The following CADM1 variants were observed in gnomAD, a reference collection of about 807,000 sequenced individuals.
The protein encoded by CADM1 is cell adhesion molecule 1.
A neutral mutation model predicts 53.1 loss-of-function variants in CADM1; 15 were observed. That is an observed-to-expected ratio of 0.28 (90% CI 0.19 to 0.44). The LOEUF (loss-of-function observed/expected upper bound fraction) is 0.44. Among genes scored for constraint, CADM1 ranks in the 20% least tolerant of loss-of-function variants. The probability of loss-of-function intolerance (pLI) is 1.00; values close to 1 mark genes in which losing one functional copy is unlikely to be tolerated. For synonymous variants in CADM1, 281 were observed against 243.0 expected (o/e 1.16, Z -1.45); for missense variants, 434 against 611.3 (o/e 0.71, Z 3.06).
In CADM1 at chr11:115,384,593, G is replaced by A. The variant is rs541462296; in HGVS notation, c.124+119678C>T. On this transcript the variant is annotated intron_variant, in intron 1 of 11. Transcript: ENST00000331581. ...GCTACATTTTAAAATCAAGTTTGAA[G>A]AACACAGGGATGCCAGTACCTCTCT... is the stretch of plus-strand genomic sequence containing the variant. Among the ~76,000 whole-genome samples the A allele has an allele frequency of 2.6e-5, 4 of 152,318 alleles. No homozygotes were observed. The South Asian group carries it at 8.3e-4, about 32-fold the overall frequency.
At chr11:115,412,478 C>T (rs11215544) in intron 1 of CADM1, among the ~76,000 whole-genome samples, 1 of 152,052 alleles carries the variant, frequency 6.6e-6, no homozygotes, top group African/African-American at 2.4e-5. Flanking sequence ...GGATTACAGG[C>T]GTGAGCCACT....
At chr11:115,334,696 T>C (rs1050369322) in intron 1 of CADM1, among the ~76,000 whole-genome samples, 1 of 151,992 alleles carries the variant, frequency 6.6e-6, no homozygotes, top group African/African-American at 2.4e-5. Flanking sequence ...CCCCTGAGAA[T>C]AAAGGGGGAC....
chr11:115,485,424 T>G (rs750061895), intron 1 of CADM1, among the ~76,000 whole-genome samples: 1 of 152,222 alleles, frequency 6.6e-6, no homozygotes, highest in Admixed American at 6.5e-5. Flanking sequence ...GTAAAACTTT[T>G]GCTACCATCT....
At chr11:115,278,860 C>T (rs1347064184) in intron 1 of CADM1, among the ~76,000 whole-genome samples, 1 of 152,050 alleles carries the variant, frequency 6.6e-6, no homozygotes, top group Non-Finnish European at 1.5e-5. Context: ...TGTGGTTGAT[C>T]ACAAAATGGT....
chr11:115,318,539 G>A (rs749959272), intron 1 of CADM1, among the ~76,000 whole-genome samples: 9 of 152,092 alleles, frequency 5.9e-5, no homozygotes, highest in South Asian at 2.1e-4. Flanking sequence ...GAGATGTGGC[G>A]GAATCAAGAT....
chr11:115,394,775 G>A (rs1018057984), intron 1 of CADM1, among the ~76,000 whole-genome samples: 6 of 152,008 alleles, frequency 3.9e-5, no homozygotes, highest in Non-Finnish European at 5.9e-5. Flanking sequence ...ATTTCCCTAC[G>A]AGCCACATGA....
In CADM1 at chr11:115,190,883, C is replaced by T. The variant is rs1939818556; in HGVS notation, c.1165+5G>A. The T allele has an allele frequency of 6.3e-7, 1 of 1,593,910 alleles. No homozygotes were observed. The highest frequency in any genetic ancestry group is 8.5e-7 in the Non-Finnish European group (1 of 1,177,774). On this transcript the variant is annotated splice_donor_5th_base_variant and intron_variant, in intron 10 of 11. Coordinates refer to ENST00000331581, the MANE Select transcript of CADM1 (RefSeq NM_001301043.2). ...GCAGTGCCTTACCTAATGACTAGCC[C>T]TTACCTGAGAGGTCCTCACTGTCCA... is the stretch of plus-strand genomic sequence containing the variant.
At chr11:115,250,485 G>A (rs371425958) in intron 1 of CADM1, among the ~76,000 whole-genome samples, 8 of 152,086 alleles carry the variant, frequency 5.3e-5, no homozygotes, top group South Asian at 2.1e-4. Context: ...AGACTGTAAC[G>A]GGTAACAATA....
At position 115,464,519 on chromosome 11, in the gene CADM1, C is replaced by G. The variant is rs563509791; in HGVS notation, c.124+39752G>C. 3.3e-5 allele frequency among the ~76,000 whole-genome samples: 5 copies of G among 152,306 alleles called. No homozygotes were observed. The East Asian group carries it at 9.7e-4, about 29-fold the overall frequency. ...CTAACCCACAATCCACATCTGCAGT[C>G]TGGTGTGCCATTTTTTATATTTGTC... On this transcript the variant is annotated intron_variant, in intron 1 of 11. Coordinates refer to ENST00000331581, the MANE Select transcript of CADM1 (RefSeq NM_001301043.2).
At chr11:115,441,812 T>C (rs1948319443) in intron 1 of CADM1, among the ~76,000 whole-genome samples, 2 of 152,014 alleles carry the variant, frequency 1.3e-5, no homozygotes, top group South Asian at 2.1e-4. Context: ...TTAAGTTCAA[T>C]GGTCAATGTG....
intron 1 of CADM1, among the ~76,000 whole-genome samples, chr11:115,422,252 A>T: frequency 6.6e-6 from 1 of 152,190 alleles, no homozygotes; most frequent in East Asian, 1.9e-4. Context: ...ATTTCCTAAA[A>T]GGGGACTATT....
chr11:115,459,901 C>G (rs988472491), intron 1 of CADM1, among the ~76,000 whole-genome samples: 4 of 152,176 alleles, frequency 2.6e-5, no homozygotes, highest in Non-Finnish European at 5.9e-5. Flanking sequence ...CCTTTCCATA[C>G]TCAGGCCAGA....
intron 1 of CADM1, among the ~76,000 whole-genome samples, chr11:115,471,038 C>T (rs1003087780): frequency 3.3e-5 from 5 of 152,166 alleles, no homozygotes; most frequent in Non-Finnish European, 7.3e-5. Flanking sequence ...TTAATGAATA[C>T]CCTGAGTAGC....
chr11:115,325,933 G>A (rs1456865605), intron 1 of CADM1, among the ~76,000 whole-genome samples: 3 of 152,138 alleles, frequency 2.0e-5, no homozygotes, highest in Non-Finnish European at 2.9e-5. Context: ...AGTTTAAACC[G>A]TTGGCACCTG....
intron 1 of CADM1, among the ~76,000 whole-genome samples, chr11:115,458,252 A>G (rs890219993): frequency 1.3e-5 from 2 of 152,086 alleles, no homozygotes; most frequent in Non-Finnish European, 2.9e-5. Flanking sequence ...TGCTTTACCA[A>G]TATGTTCTAC....
In CADM1 at chr11:115,445,979, A is replaced by G. The variant is rs1023778352; in HGVS notation, c.124+58292T>C. ...TTTACATAAAAAGTATTTACTTTATAAAGATTCAACTTGGAAAGGACTTTC... is the reference window on the plus strand; with the variant it reads ...TTTACATAAAAAGTATTTACTTTATGAAGATTCAACTTGGAAAGGACTTTC... On this transcript the variant is annotated intron_variant, in intron 1 of 11. Transcript: ENST00000331581. 1.8e-5 allele frequency: 4 copies of G among 220,004 alleles called. No homozygotes were observed. In the East Asian group the frequency reaches 6.9e-4, roughly 38 times the overall value. The allele number at this position is 220,004 out of a possible 1,614,324, so 13.6% of individuals were successfully genotyped here. A position where few individuals can be genotyped will look rare whatever the true frequency, so the allele number is the denominator to read the frequency against.
chr11:115,353,961 G>A lies in CADM1; in HGVS notation c.125-113541C>T, dbSNP rs117454412. ...CTAGGCTACGGCCAGACTGTGAACC[G>A]AAGCAGTGATGGGCTGTTTTTGTTT... On this transcript the variant is annotated intron_variant, in intron 1 of 11. Coordinates refer to ENST00000331581, the MANE Select transcript of CADM1 (RefSeq NM_001301043.2). 6.0e-3 allele frequency among the ~76,000 whole-genome samples: 906 copies of A among 152,268 alleles called. 5 individuals carry two copies. The highest frequency in any genetic ancestry group is 9.4e-3 in the Non-Finnish European group (636 of 68,016).
At chr11:115,190,707 A>G in intron 10 of CADM1, 181 bp downstream of exon 10, 2 of 573,492 alleles carry the variant, frequency 3.5e-6, no homozygotes, top group South Asian at 4.5e-5. Flanking sequence ...AAATATCGCT[A>G]CCACAGAGAA....
chr11:115,416,281 A>G (rs1047702322), intron 1 of CADM1, among the ~76,000 whole-genome samples: 1 of 152,222 alleles, frequency 6.6e-6, no homozygotes. Context: ...TCTTTGGCCA[A>G]TTGTCCGCTG....
Sources: allele counts gnomAD v4.1 joint callset (sites outside exome capture counted in the v4.1 genomes callset), GRCh38; gene constraint gnomAD v4.1.1; transcripts MANE v1.5; gene names NCBI Gene and HGNC (gene_info 2026-07-23, HGNC 2026-07-21).